NEDD4L: variants seen among roughly 807,000 people sequenced by gnomAD.
NEDD4L encodes NEDD4 like E3 ubiquitin protein ligase.
A neutral mutation model predicts 148.9 loss-of-function variants in NEDD4L; 54 were observed. That is an observed-to-expected ratio of 0.36 (90% CI 0.29 to 0.45). The LOEUF (loss-of-function observed/expected upper bound fraction) is 0.45, where lower values mean the gene tolerates loss of function less well. NEDD4L is among the 20% of genes least tolerant of loss of function. The pLI, the probability that NEDD4L is intolerant of heterozygous loss-of-function variation, is 1.00. For missense variants in NEDD4L, 856 were observed against 1,233.8 expected (o/e 0.69, Z 4.59); for synonymous variants, 433 against 440.7 (o/e 0.98, Z 0.22).
At chr18:58,178,978 G>A (rs1399647637) in intron 2 of NEDD4L, among the ~76,000 whole-genome samples, 2 of 151,886 alleles carry the variant, frequency 1.3e-5, no homozygotes, top group African/African-American at 4.9e-5. Flanking sequence ...CAGCTTTATC[G>A]CAGTTTTGTT....
At chr18:58,339,954 T>TA (rs1357075080) in intron 13 of NEDD4L, among the ~76,000 whole-genome samples, 21 of 152,202 alleles carry the variant, frequency 1.4e-4, no homozygotes, top group Admixed American at 1.4e-3. Flanking sequence ...ACTGCTAAAA[T>TA]ATCTGGAAGT....
chr18:58,383,258 G>T lies in NEDD4L; in HGVS notation c.2365G>T (p.Asp789Tyr). ...EENFGQTYQV[D>Y]LKPNGSEIMV... The stretch of plus-strand genomic sequence containing the variant: ...TTTGTAATTACAGACATATCAAGTG[G>T]ATTTGAAGCCCAATGGGTCAGAAAT... Residue 789 changes from aspartate (D) to tyrosine (Y), a missense_variant, in exon 25 of 31, where the codon GAT (aspartate) becomes TAT (tyrosine). Transcript: ENST00000400345. 1.3e-6 allele frequency: 2 copies of T among 1,530,238 alleles called. No homozygotes were observed. The highest frequency in any genetic ancestry group is 1.2e-5 in the South Asian group (1 of 83,554). 94.8% of individuals were successfully genotyped at this position (1,530,238 alleles called of 1,614,324 possible). A position where few individuals can be genotyped will look rare whatever the true frequency, so the allele number is the denominator to read the frequency against.
At chr18:58,149,997 T>C (rs562667359) in intron 1 of NEDD4L, among the ~76,000 whole-genome samples, 2 of 152,248 alleles carry the variant, frequency 1.3e-5, no homozygotes, top group Admixed American at 6.5e-5. Flanking sequence ...TTCTCTGATA[T>C]TGAATACTGA....
chr18:58,298,497 G>A (rs1453454794), intron 5 of NEDD4L, among the ~76,000 whole-genome samples: 7 of 152,282 alleles, frequency 4.6e-5, no homozygotes, highest in South Asian at 2.1e-4. Context: ...GATTTTCAAA[G>A]TATGACTAAT....
chr18:58,380,262 T>C (rs1601909870), intron 24 of NEDD4L, among the ~76,000 whole-genome samples: 1 of 151,096 alleles, frequency 6.6e-6, no homozygotes, highest in South Asian at 2.1e-4. Context: ...TTTACAGAAG[T>C]GGAATTGTAC....
chr18:58,322,907 C>T (rs2058960149), intron 7 of NEDD4L, among the ~76,000 whole-genome samples: 1 of 90,236 alleles, frequency 1.1e-5, no homozygotes, highest in Non-Finnish European at 2.0e-5. Flanking sequence ...GTGGGGATGC[C>T]TGCCCTGCAT....
At chr18:58,349,196 T>G (rs558197730) in intron 16 of NEDD4L, among the ~76,000 whole-genome samples, 1 of 152,292 alleles carries the variant, frequency 6.6e-6, no homozygotes, top group South Asian at 2.1e-4. Flanking sequence ...ACTCCCTCTT[T>G]GTGCCACATT....
intron 2 of NEDD4L, among the ~76,000 whole-genome samples, chr18:58,200,976 T>C (rs1437582006): frequency 6.6e-6 from 1 of 152,186 alleles, no homozygotes; most frequent in African/African-American, 2.4e-5. Context: ...TGGACTAAGG[T>C]TGTCTTTGTT....
intron 1 of NEDD4L, among the ~76,000 whole-genome samples, chr18:58,157,925 T>G (rs1173116767): frequency 6.6e-6 from 1 of 152,232 alleles, no homozygotes; most frequent in Non-Finnish European, 1.5e-5. Context: ...CATAACAAAT[T>G]AGTTTTAGAG....
chr18:58,378,337 G>T (rs1296978323), intron 24 of NEDD4L, among the ~76,000 whole-genome samples: 1 of 152,198 alleles, frequency 6.6e-6, no homozygotes, highest in Non-Finnish European at 1.5e-5. Flanking sequence ...CTCTTTAGGG[G>T]GTGATAATGA....
chr18:58,347,223 C>A (rs1264752187), intron 16 of NEDD4L, among the ~76,000 whole-genome samples: 1 of 115,994 alleles, frequency 8.6e-6, no homozygotes, highest in Non-Finnish European at 1.8e-5. Flanking sequence ...CGCCCCCCCC[C>A]CCCCTTTAAA....
In NEDD4L at chr18:58,248,110, A is replaced by G. The variant is rs963921063; in HGVS notation, c.205-789A>G. The stretch of plus-strand genomic sequence containing the variant: ...AAGTGATGGTTTTTTTTTACATACA[A>G]TTTTTAAGAGCTGTCTTTAAGAGGC... On this transcript the variant is annotated intron_variant, in intron 3 of 30. Coordinates refer to ENST00000400345, the MANE Select transcript of NEDD4L (RefSeq NM_001144967.3). Among the ~76,000 whole-genome samples, 20 of 152,200 alleles carry G rather than the reference A, an allele frequency of 1.3e-4. 1 individual carries two copies. Among genetic ancestry groups the G allele is most frequent in the African/African-American group, 4.8e-4 (20 of 41,442 alleles).
In NEDD4L at chr18:58,225,674, G is replaced by A. The variant is rs1377944153; in HGVS notation, c.123-19753G>A. Among the ~76,000 whole-genome samples, 9 of 152,108 alleles carry A rather than the reference G, an allele frequency of 5.9e-5. No homozygotes were observed. In the South Asian group the frequency reaches 6.2e-4, roughly 11 times the overall value. ...CCAAGCCCATCAGGGACCACTGCTC[G>A]AGATACCAGTGCAAATAGAAGAGGC... On this transcript the variant is annotated intron_variant, in intron 2 of 30. Transcript: ENST00000400345.
chr18:58,179,798 C>T (rs765063908), intron 2 of NEDD4L, among the ~76,000 whole-genome samples: 3 of 151,876 alleles, frequency 2.0e-5, no homozygotes, highest in South Asian at 4.2e-4. Context: ...CCTACTGATT[C>T]TATATTATGA....
At chr18:58,045,252 C>T (rs1009114284) in intron 1 of NEDD4L, 3 of 397,460 alleles carry the variant, frequency 7.5e-6, no homozygotes, top group Non-Finnish European at 1.3e-5. Flanking sequence ...TGTGTCCCTC[C>T]CCTCGTTTTG....
intron 2 of NEDD4L, among the ~76,000 whole-genome samples, chr18:58,188,354 CAT>C (rs149130676): frequency 0.022 from 3,401 of 152,352 alleles, 64 homozygotes; most frequent in Non-Finnish European, 0.031. Flanking sequence ...GCTCCAAAAA[CAT>C]ATTGTTGCCA....
chr18:58,118,416 A>T (rs1263152998), intron 1 of NEDD4L, among the ~76,000 whole-genome samples: 3 of 152,222 alleles, frequency 2.0e-5, no homozygotes, highest in Admixed American at 6.5e-5. Context: ...CTACTTTCTC[A>T]TCTCTTTTAT....
At chr18:58,117,340 A>T (rs939297265) in intron 1 of NEDD4L, among the ~76,000 whole-genome samples, 43 of 152,226 alleles carry the variant, frequency 2.8e-4, no homozygotes, top group African/African-American at 9.9e-4. Flanking sequence ...ACTTTTTATC[A>T]TATTCGAATT....
intron 1 of NEDD4L, among the ~76,000 whole-genome samples, chr18:58,105,684 G>A (rs1454387683): frequency 6.6e-6 from 1 of 152,118 alleles, no homozygotes; most frequent in African/African-American, 2.4e-5. Flanking sequence ...ATGGCTCATG[G>A]TCTGATATCA....
Sources: allele counts gnomAD v4.1 joint callset (sites outside exome capture counted in the v4.1 genomes callset), GRCh38; gene constraint gnomAD v4.1.1; transcripts MANE v1.5; gene names NCBI Gene and HGNC (gene_info 2026-07-23, HGNC 2026-07-21).